HYDIN: variants seen among roughly 807,000 people sequenced by gnomAD.
HYDIN encodes the protein axonemal central pair apparatus protein HYDIN.
HYDIN carries 132 observed loss-of-function variants against 403.9 expected under a neutral mutation model. The ratio of observed to expected loss-of-function variants is 0.33; its 90% CI spans 0.28 to 0.38. The LOEUF is 0.38. Among genes scored for constraint, HYDIN ranks in the 10% least tolerant of loss-of-function variants. The pLI, the probability that HYDIN is intolerant of heterozygous loss-of-function variation, is 1.00. For synonymous variants in HYDIN, 1,202 were observed against 1,891.7 expected (o/e 0.64, Z 9.46); for missense variants, 2,827 against 5,009.5 (o/e 0.56, Z 13.15).
chr16:71,093,132 A>G (rs2083165259), intron 11 of HYDIN, among the ~76,000 whole-genome samples: 1 of 151,948 alleles, frequency 6.6e-6, no homozygotes, highest in African/African-American at 2.4e-5. Flanking sequence ...ACCTCTATAA[A>G]AATACAAACA....
At chr16:71,175,283 AC>A (rs1211347965) in intron 5 of HYDIN, among the ~76,000 whole-genome samples, 3 of 151,824 alleles carry the variant, frequency 2.0e-5, no homozygotes, top group Non-Finnish European at 4.4e-5. Flanking sequence ...ACCCACCACT[AC>A]CCACCAACAC....
intron 11 of HYDIN, among the ~76,000 whole-genome samples, chr16:71,093,347 T>C (rs551779216): frequency 4.6e-5 from 7 of 152,138 alleles, no homozygotes; most frequent in Non-Finnish European, 7.4e-5. Flanking sequence ...CAGAAACTGA[T>C]TGGTTTTTAA....
rs150468253 is a variant in HYDIN at position 70,805,776 on chromosome 16, A to T, written c.*1804T>A. On this transcript the variant is annotated 3_prime_UTR_variant, in exon 86 of 86. Coordinates refer to ENST00000393567, the MANE Select transcript of HYDIN (RefSeq NM_001270974.2). ...TCAGTAGTGTCTTTAGAGGTTATAGAAATAAATTGTCTATTGAGTATGGCA... is the reference window on the plus strand; with the variant it reads ...TCAGTAGTGTCTTTAGAGGTTATAGTAATAAATTGTCTATTGAGTATGGCA... Among the ~76,000 whole-genome samples the T allele has an allele frequency of 6.6e-6, 1 of 152,328 alleles. No homozygotes were observed. The highest frequency in any genetic ancestry group is 1.5e-5 in the Non-Finnish European group (1 of 68,030).
chr16:70,812,616 G>A (rs1301715177), intron 84 of HYDIN, among the ~76,000 whole-genome samples: 2 of 152,106 alleles, frequency 1.3e-5, no homozygotes, highest in Non-Finnish European at 2.9e-5. Context: ...ATTTGTAATA[G>A]CATCAAAATA....
intron 18 of HYDIN, among the ~76,000 whole-genome samples, chr16:71,037,135 T>C (rs1277848582): frequency 2.0e-5 from 3 of 151,308 alleles, no homozygotes; most frequent in Non-Finnish European, 4.4e-5. Context: ...GTCTCAGGTT[T>C]CTCATCCGTA....
intron 5 of HYDIN, among the ~76,000 whole-genome samples, chr16:71,165,006 C>T (rs1471100259): frequency 6.6e-6 from 1 of 152,116 alleles, no homozygotes; most frequent in Non-Finnish European, 1.5e-5. Flanking sequence ...CTCTTCACCA[C>T]CTCCACCCCC....
chr16:70,890,242 G>A (rs1371710022), intron 57 of HYDIN, among the ~76,000 whole-genome samples: 1 of 152,208 alleles, frequency 6.6e-6, no homozygotes, highest in Admixed American at 6.5e-5. Context: ...AAATGTATCT[G>A]AAATGCATCT....
intron 54 of HYDIN, among the ~76,000 whole-genome samples, 197 bp downstream of exon 54, chr16:70,895,784 T>C (rs1285687094): frequency 6.6e-6 from 1 of 151,962 alleles, no homozygotes; most frequent in Non-Finnish European, 1.5e-5. Context: ...ACCACCCGCT[T>C]TCTACCTCTG....
chr16:71,071,089 A>G (rs571652320), intron 13 of HYDIN, among the ~76,000 whole-genome samples: 5 of 148,822 alleles, frequency 3.4e-5, no homozygotes, highest in African/African-American at 1.2e-4. Flanking sequence ...GAAACTGTAG[A>G]TGGCTTAGCC....
intron 77 of HYDIN, among the ~76,000 whole-genome samples, chr16:70,837,150 C>G (rs2037482468): frequency 6.6e-6 from 1 of 152,148 alleles, no homozygotes; most frequent in Admixed American, 6.5e-5. Flanking sequence ...AGAATATGAC[C>G]ATTCCCTTTC....
At chr16:71,197,439 T>C (rs964535552) in intron 1 of HYDIN, among the ~76,000 whole-genome samples, 1 of 152,148 alleles carries the variant, frequency 6.6e-6, no homozygotes, top group Non-Finnish European at 1.5e-5. Context: ...CATCTCTAAG[T>C]GAAAAGCATT....
At chr16:71,042,459 T>A (rs551943597) in intron 18 of HYDIN, among the ~76,000 whole-genome samples, 1 of 148,202 alleles carries the variant, frequency 6.7e-6, no homozygotes. Context: ...ACTCTCCATG[T>A]CTCTCTCTCT....
In HYDIN at chr16:71,186,179, T is replaced by C. The variant is rs1448942512; in HGVS notation, c.135+582A>G. 2.0e-5 allele frequency among the ~76,000 whole-genome samples: 3 copies of C among 152,168 alleles called. No individual in the cohort carries two copies. The East Asian group carries it at 5.8e-4, about 29-fold the overall frequency. ...TAACTTAAGATTAGTTTTTAAAATGTAGTGAATACTATCCCTGGCACTATA... is the reference window on the plus strand; with the variant it reads ...TAACTTAAGATTAGTTTTTAAAATGCAGTGAATACTATCCCTGGCACTATA... On this transcript the variant is annotated intron_variant, in intron 2 of 85. Coordinates refer to ENST00000393567, the MANE Select transcript of HYDIN (RefSeq NM_001270974.2).
intron 52 of HYDIN, among the ~76,000 whole-genome samples, chr16:70,902,954 T>C (rs1197966199): frequency 6.7e-6 from 1 of 148,854 alleles, no homozygotes; most frequent in Non-Finnish European, 1.5e-5. Flanking sequence ...TATTTTTCTC[T>C]CTATGCTTTT....
At position 70,862,112 on chromosome 16, in the gene HYDIN, G is replaced by C; in HGVS notation, c.11713C>G (p.Gln3905Glu). 1 of 1,612,242 alleles carries C rather than the reference G, an allele frequency of 6.2e-7. No individual in the cohort carries two copies. The highest frequency in any genetic ancestry group is 1.3e-5 in the African/African-American group (1 of 75,016). The change falls in exon 69 of 86, where the codon CAG (glutamine) becomes GAG (glutamate). Residue 3905 changes from glutamine to glutamate, a missense_variant. Transcript: ENST00000393567. ...SSGIVPVGKI[Q>E]KFKVKFSPLD... ...GGGGAGAATTTTACTTTGAACTTCT[G>C]AATCTTCCCCACCGGCACGATTCCC...
At chr16:71,017,406 T>C (rs1016943085) in intron 23 of HYDIN, among the ~76,000 whole-genome samples, 5 of 151,846 alleles carry the variant, frequency 3.3e-5, no homozygotes, top group African/African-American at 1.2e-4. Context: ...CTGTCTCTCC[T>C]GCTATCATGA....
chr16:70,990,122 G>A (rs1228437361), intron 25 of HYDIN, among the ~76,000 whole-genome samples: 2 of 152,056 alleles, frequency 1.3e-5, no homozygotes, highest in African/African-American at 4.8e-5. Context: ...TTAGCTGGGG[G>A]CGATGTCTCA....
At position 71,219,359 on chromosome 16, in the gene HYDIN, T is replaced by G. The variant is rs78668147; in HGVS notation, c.-24+11203A>C. Among the ~76,000 whole-genome samples the G allele has an allele frequency of 8.5e-3, 1,294 of 152,194 alleles. 17 individuals carry two copies. Among genetic ancestry groups the G allele is most frequent in the African/African-American group, 0.03 (1,230 of 41,554 alleles). On this transcript the variant is annotated intron_variant, in intron 1 of 85. Coordinates refer to ENST00000393567, the MANE Select transcript of HYDIN (RefSeq NM_001270974.2). The stretch of plus-strand genomic sequence containing the variant: ...GCATTGCCAGTGAAATTACAAGAGA[T>G]TGCTTTTTCTAGTCATTTCACACTA...
chr16:71,196,225 C>G (rs1282176649), intron 1 of HYDIN, among the ~76,000 whole-genome samples: 1 of 152,130 alleles, frequency 6.6e-6, no homozygotes, highest in African/African-American at 2.4e-5. Flanking sequence ...GCCCAGATAT[C>G]CAGCTAAACA....
Sources: allele counts gnomAD v4.1 joint callset (sites outside exome capture counted in the v4.1 genomes callset), GRCh38; gene constraint gnomAD v4.1.1; transcripts MANE v1.5; gene names NCBI Gene and HGNC (gene_info 2026-07-23, HGNC 2026-07-21).